Variants in CACNB2 observed in about 807,000 individuals in gnomAD.
CACNB2 encodes the protein voltage-dependent L-type calcium channel subunit beta-2.
Under a neutral mutation model 73.3 loss-of-function variants are expected in CACNB2, and 42 were observed. The observed-to-expected ratio is 0.57, with a 90% CI of 0.45 to 0.74. The LOEUF is 0.74. CACNB2 is among the 30% of genes least tolerant of loss of function. CACNB2 has a pLI of 0.00. For missense variants in CACNB2, 940 were observed against 853.0 expected, an observed-to-expected ratio of 1.10 and a Z score of -1.27; for synonymous variants, 348 against 310.3, an observed-to-expected ratio of 1.12 and a Z score of -1.28.
chr10:18,295,462 T>A (rs1441601429), intron 2 of CACNB2, among the ~76,000 whole-genome samples: 1 of 152,230 alleles, frequency 6.6e-6, no homozygotes, highest in Non-Finnish European at 1.5e-5. Context: ...GCAAACTCTC[T>A]TGCTGTTCTT....
At chr10:18,288,905 C>A (rs944228359) in intron 2 of CACNB2, among the ~76,000 whole-genome samples, 4 of 152,062 alleles carry the variant, frequency 2.6e-5, no homozygotes, top group African/African-American at 9.7e-5. Context: ...ATCAGCCGGG[C>A]ATGGCAGCAC....
At chr10:18,269,619 C>G (rs1588896984) in intron 2 of CACNB2, among the ~76,000 whole-genome samples, 1 of 152,266 alleles carries the variant, frequency 6.6e-6, no homozygotes, top group South Asian at 2.1e-4. Context: ...AATCAATATG[C>G]CCAGCCCAGA....
At chr10:18,380,398 C>T (rs944522666) in intron 2 of CACNB2, among the ~76,000 whole-genome samples, 9 of 149,442 alleles carry the variant, frequency 6.0e-5, no homozygotes, top group Non-Finnish European at 1.3e-4. Context: ...AGAATAAATT[C>T]TTCTTTACTT....
intron 2 of CACNB2, among the ~76,000 whole-genome samples, chr10:18,186,427 A>G (rs996505847): frequency 5.3e-5 from 8 of 151,966 alleles, no homozygotes; most frequent in African/African-American, 1.7e-4. Flanking sequence ...CTGAAAAAAA[A>G]AAAGAAAGAA....
At chr10:18,269,063 G>T (rs183559110) in intron 2 of CACNB2, among the ~76,000 whole-genome samples, 3 of 152,258 alleles carry the variant, frequency 2.0e-5, no homozygotes, top group Admixed American at 1.3e-4. Context: ...CCTTTGCTTT[G>T]CATGATAAGA....
intron 1 of CACNB2, 116 bp downstream of exon 1, chr10:18,140,972 G>A: frequency 6.6e-7 from 1 of 1,517,900 alleles, no homozygotes; most frequent in Non-Finnish European, 8.8e-7. Context: ...TCCTCCCCTC[G>A]TCGCCTGCCC....
rs79902748 is a variant in CACNB2 at position 18,279,151 on chromosome 10, A to G, written c.214-122773A>G. On this transcript the variant is annotated intron_variant, in intron 2 of 13. Transcript: ENST00000324631. ...TTTAGTTGGTTGGCCAAATTAATCAAATCTGAAAGGATTTGGCTGTCTTTC... is the reference window on the plus strand; with the variant it reads ...TTTAGTTGGTTGGCCAAATTAATCAGATCTGAAAGGATTTGGCTGTCTTTC... Among the ~76,000 whole-genome samples, 1,430 of 152,314 alleles carry G rather than the reference A, an allele frequency of 9.4e-3. 24 individuals are homozygous for G. The highest frequency in any genetic ancestry group is 0.074 in the South Asian group (357 of 4,826).
chr10:18,148,152 T>A (rs2031178764), intron 1 of CACNB2, among the ~76,000 whole-genome samples: 1 of 152,110 alleles, frequency 6.6e-6, no homozygotes, highest in Non-Finnish European at 1.5e-5. Context: ...AATAACAGAA[T>A]AGAGATATAA....
Position 18,185,786 on chromosome 10 carries a change from C to G in CACNB2, c.213+34811C>G, listed in dbSNP as rs564804704. Reference sequence around the variant, plus strand: ...TTCATTCATTTAATAAATATTTATTCTGTGCCTACCATGTGCCAGAAACTG... The same window carrying G: ...TTCATTCATTTAATAAATATTTATTGTGTGCCTACCATGTGCCAGAAACTG... On this transcript the variant is annotated intron_variant, in intron 2 of 13. Coordinates refer to ENST00000324631, the MANE Select transcript of CACNB2 (RefSeq NM_201596.3). 3.7e-4 allele frequency among the ~76,000 whole-genome samples: 56 copies of G among 152,100 alleles called. No homozygotes were observed. The South Asian group carries it at 0.011, about 31-fold the overall frequency.
At chr10:18,239,635 A>G (rs2036574238) in intron 2 of CACNB2, among the ~76,000 whole-genome samples, 1 of 152,224 alleles carries the variant, frequency 6.6e-6, no homozygotes, top group African/African-American at 2.4e-5. Context: ...CAATAAATAT[A>G]CAAGTGCAAG....
intron 4 of CACNB2, 43 bp from the exon 5 acceptor site, chr10:18,500,769 C>A: frequency 1.3e-6 from 2 of 1,597,090 alleles, no homozygotes; most frequent in Non-Finnish European, 1.7e-6. Context: ...AAGGATTTGA[C>A]CTTCTGTGCA....
chr10:18,208,336 T>C (rs1318404650), intron 2 of CACNB2, among the ~76,000 whole-genome samples: 1 of 152,086 alleles, frequency 6.6e-6, no homozygotes, highest in East Asian at 1.9e-4. Context: ...ATTAGTGGAA[T>C]GTAGTGATAT....
chr10:18,140,673 G>C lies in CACNB2; in HGVS notation c.-64G>C. 3 of 1,415,578 alleles carry C rather than the reference G, an allele frequency of 2.1e-6. No homozygotes were observed. The highest frequency in any genetic ancestry group is 2.9e-6 in the Non-Finnish European group (3 of 1,020,532). The allele number at this position is 1,415,578 out of a possible 1,614,324, so 87.7% of individuals were successfully genotyped here. On this transcript the variant is annotated 5_prime_UTR_variant, in exon 1 of 14. Coordinates refer to ENST00000324631, the MANE Select transcript of CACNB2 (RefSeq NM_201596.3). ...AGCCGATCAGAGCGCGGGGAGGCGG[G>C]GGCGAGGAGGAGGGGACCCGCCGCC...
intron 3 of CACNB2, among the ~76,000 whole-genome samples, chr10:18,413,911 G>A (rs138050413): frequency 4.1e-4 from 62 of 152,368 alleles, no homozygotes; most frequent in African/African-American, 1.0e-3. Flanking sequence ...AGCACCTGCC[G>A]TGGAGCAGTT....
intron 2 of CACNB2, among the ~76,000 whole-genome samples, chr10:18,231,102 T>G (rs1173867913): frequency 6.6e-6 from 1 of 152,212 alleles, no homozygotes; most frequent in African/African-American, 2.4e-5. Context: ...ACATGCAAAC[T>G]AAAAAGTATT....
At position 18,510,386 on chromosome 10, in the gene CACNB2, T is replaced by C. The variant is rs547152546; in HGVS notation, c.670+3839T>C. ...GGCACAATCTCAGCTCACTGAAGCC[T>C]CCATCTCCCAGGTTCAAGTGATTCT... is the stretch of plus-strand genomic sequence containing the variant. On this transcript the variant is annotated intron_variant, in intron 6 of 13. Coordinates refer to ENST00000324631, the MANE Select transcript of CACNB2 (RefSeq NM_201596.3). Among the ~76,000 whole-genome samples the C allele has an allele frequency of 1.0e-3, 156 of 152,260 alleles. 1 individual carries two copies. Among genetic ancestry groups the C allele is most frequent in the African/African-American group, 3.6e-3 (149 of 41,548 alleles).
At chr10:18,528,844 A>C (rs534081545) in intron 10 of CACNB2, among the ~76,000 whole-genome samples, 1 of 152,232 alleles carries the variant, frequency 6.6e-6, no homozygotes, top group Admixed American at 6.5e-5. Flanking sequence ...ATTACTTTTT[A>C]TTTTGACTTT....
At chr10:18,364,491 G>T (rs116422949) in intron 2 of CACNB2, among the ~76,000 whole-genome samples, 1 of 151,190 alleles carries the variant, frequency 6.6e-6, no homozygotes, top group Non-Finnish European at 1.5e-5. Flanking sequence ...AATAGAGATG[G>T]GTTTTACCAT....
chr10:18,187,784 A>G (rs1478731699), intron 2 of CACNB2, among the ~76,000 whole-genome samples: 1 of 152,220 alleles, frequency 6.6e-6, no homozygotes, highest in Non-Finnish European at 1.5e-5. Flanking sequence ...TTTCGATATG[A>G]CACGCTCAGA....
Sources: allele counts gnomAD v4.1 joint callset (sites outside exome capture counted in the v4.1 genomes callset), GRCh38; gene constraint gnomAD v4.1.1; transcripts MANE v1.5; gene names NCBI Gene and HGNC (gene_info 2026-07-23, HGNC 2026-07-21).